Variants in ZXDC observed in about 807,000 individuals in gnomAD.
ZXDC encodes zinc finger protein ZXDC.
ZXDC carries 58 observed loss-of-function variants against 63.6 expected under a neutral mutation model. The ratio of observed to expected loss-of-function variants is 0.91; its 90% CI spans 0.74 to 1.13. The LOEUF (loss-of-function observed/expected upper bound fraction) is 1.13, where lower values mean the gene tolerates loss of function less well. Ranked by LOEUF, ZXDC falls within the 50% of genes most tolerant of loss-of-function variation. ZXDC has a pLI of 0.00. For synonymous variants in ZXDC, 561 were observed against 496.1 expected (o/e 1.13, Z -1.74); for missense variants, 1,133 against 1,148.9 (o/e 0.99, Z 0.20).
intron 8 of ZXDC, chr3:126,440,150 C>T (rs539178466): frequency 2.1e-4 from 210 of 1,009,438 alleles, no homozygotes; most frequent in South Asian, 2.5e-4. Context: ...AGCTTGCCTA[C>T]GGGCCAGCTG....
At chr3:126,447,185 G>A (rs1418765234) in intron 7 of ZXDC, among the ~76,000 whole-genome samples, 1 of 152,190 alleles carries the variant, frequency 6.6e-6, no homozygotes, top group Admixed American at 6.5e-5. Context: ...AGGTGTTTAA[G>A]TTACTCTGGG....
Position 126,475,080 on chromosome 3 carries a change from G to A in ZXDC, c.786C>T (p.His262=), listed in dbSNP as rs749901847. ...CGCACTTGAACAGGCTCTCCTGCTC[G>A]TGGCCCTTCATGTGCGCCTTGAGGT... The part of the protein sequence containing the change: ...VYNLKAHMKG[H]EQESLFKCEV... The change falls in exon 1 of 10, where the codon CAC becomes CAT. Residue 262 remains histidine, a synonymous_variant. Transcript: ENST00000389709. 1 of 1,607,900 alleles carries A rather than the reference G, an allele frequency of 6.2e-7. No individual in the cohort carries two copies. Among genetic ancestry groups the A allele is most frequent in the Non-Finnish European group, 8.5e-7 (1 of 1,177,190 alleles).
At position 126,446,318 on chromosome 3, in the gene ZXDC, A is replaced by C. The variant is rs74920123; in HGVS notation, c.2213-4372T>G. Among the ~76,000 whole-genome samples the C allele has an allele frequency of 3.9e-3, 588 of 152,340 alleles. 1 individual carries two copies. Among genetic ancestry groups the C allele is most frequent in the African/African-American group, 0.013 (555 of 41,572 alleles). On this transcript the variant is annotated intron_variant, in intron 7 of 9. Transcript: ENST00000389709. ...ATGATGGTAAATAGCAAAGTGGTCAAGGGCCCCGGCTTGGGAGCTGGACGA... is the reference window on the plus strand; with the variant it reads ...ATGATGGTAAATAGCAAAGTGGTCACGGGCCCCGGCTTGGGAGCTGGACGA...
rs142241672 is a variant in ZXDC at position 126,468,243 on chromosome 3, C to T, written c.1271-1918G>A. On this transcript the variant is annotated intron_variant, in intron 4 of 9. Transcript: ENST00000389709. ...GCCCCAGCACACATAGCCCCGAGGCCGCAACGAGGCCACCCAACACCTGCC... is the reference window on the plus strand; with the variant it reads ...GCCCCAGCACACATAGCCCCGAGGCTGCAACGAGGCCACCCAACACCTGCC... Among the ~76,000 whole-genome samples the T allele has an allele frequency of 1.4e-4, 21 of 152,182 alleles. No individual in the cohort carries two copies. The East Asian group carries it at 2.1e-3, about 16-fold the overall frequency.
In ZXDC at chr3:126,475,722, A is replaced by G. The variant is rs747848009; in HGVS notation, c.144T>C (p.Asp48=). 7.9e-7 allele frequency: 1 copy of G among 1,263,206 alleles called. No individual in the cohort carries two copies. The highest frequency in any genetic ancestry group is 2.2e-5 in the South Asian group (1 of 45,364). The allele number at this position is 1,263,206 out of a possible 1,614,324, so 78.2% of individuals were successfully genotyped here. A position where few individuals can be genotyped will look rare whatever the true frequency, so the allele number is the denominator to read the frequency against. Residue 48 remains aspartate, a synonymous_variant, in exon 1 of 10, where the codon GAT becomes GAC. Transcript: ENST00000389709. ...CCCCGGGCCGCGCCCCGGGCCCGCC[A>G]TCTTCAGGGCCCCGCACCAGTAGCA... ...RRLLLVRGPE[D]GGPGARPGEA...
In ZXDC at chr3:126,458,229, T is replaced by A. The variant is rs1003837042; in HGVS notation, c.2212+1424A>T. ...ATTAGATGGCTATAATTTTTTTTAATGTCCTTACTTTTTTTTTTTTTTTTT... is the reference window on the plus strand; with the variant it reads ...ATTAGATGGCTATAATTTTTTTTAAAGTCCTTACTTTTTTTTTTTTTTTTT... On this transcript the variant is annotated intron_variant, in intron 7 of 9. Transcript: ENST00000389709. 4.5e-5 allele frequency among the ~76,000 whole-genome samples: 6 copies of A among 132,234 alleles called. No individual in the cohort carries two copies. The East Asian group carries it at 7.0e-4, about 15-fold the overall frequency. The allele number at this position is 132,234 out of a possible 152,430, so 86.8% of individuals were successfully genotyped here.
At chr3:126,441,003 G>A in intron 8 of ZXDC, 1 of 985,578 alleles carries the variant, frequency 1.0e-6, no homozygotes, top group Non-Finnish European at 1.2e-6. Flanking sequence ...AATCTACAAA[G>A]TGGAGTGGTG....
rs914862495 is a variant in ZXDC, at chr3:126,475,020, C to T, written c.846G>A (p.Lys282=). Residue 282 remains lysine, a synonymous_variant, in exon 1 of 10, where the codon AAG becomes AAA. Transcript: ENST00000389709. ...AGTGGCTGCGCTGGTGGGAGCTGAGCTTGGCGTGCGTGGGGAAGCGCTCGG... is the reference window on the plus strand; with the variant it reads ...AGTGGCTGCGCTGGTGGGAGCTGAGTTTGGCGTGCGTGGGGAAGCGCTCGG... ...VCAERFPTHA[K]LSSHQRSHFE... The T allele has an allele frequency of 1.3e-6, 2 of 1,597,930 alleles. No individual in the cohort carries two copies. The highest frequency in any genetic ancestry group is 1.7e-6 in the Non-Finnish European group (2 of 1,172,980).
intron 7 of ZXDC, among the ~76,000 whole-genome samples, chr3:126,447,931 G>A (rs1933943720): frequency 1.3e-5 from 2 of 152,196 alleles, no homozygotes; most frequent in South Asian, 4.1e-4. Flanking sequence ...CATACCACGT[G>A]GCCAACAGGC....
chr3:126,475,776 C>A lies in ZXDC; in HGVS notation c.90G>T (p.Pro30=). 1 of 1,133,008 alleles carries A rather than the reference C, an allele frequency of 8.8e-7. No individual in the cohort carries two copies. Among genetic ancestry groups the A allele is most frequent in the East Asian group, 4.6e-5 (1 of 21,664 alleles). The allele number at this position is 1,133,008 out of a possible 1,614,324, so 70.2% of individuals were successfully genotyped here. A position where few individuals can be genotyped will look rare whatever the true frequency, so the allele number is the denominator to read the frequency against. The change falls in exon 1 of 10, where the codon CCG becomes CCT. Residue 30 remains proline (P), a synonymous_variant. Transcript: ENST00000389709. ...GGCGGCGCGCGGGGCTCGCGCCGAG[C>A]GGCGCTGGGGCTCGGCGGAGCGGGC... The part of the protein sequence containing the change: ...GPGPLRRAPA[P]LGASPARRRL...
At chr3:126,452,923 G>T in intron 7 of ZXDC, 1 of 656,086 alleles carries the variant, frequency 1.5e-6, no homozygotes, top group Non-Finnish European at 1.9e-6. Context: ...TTTTTTTACA[G>T]ATGGGGGTCT....
At chr3:126,455,587 T>C (rs931194351) in intron 7 of ZXDC, among the ~76,000 whole-genome samples, 1 of 152,140 alleles carries the variant, frequency 6.6e-6, no homozygotes, top group African/African-American at 2.4e-5. Context: ...GGATGGAGAA[T>C]GTTGATGGGG....
At chr3:126,450,201 C>T (rs1329265220) in intron 7 of ZXDC, 2 of 394,032 alleles carry the variant, frequency 5.1e-6, no homozygotes, top group Non-Finnish European at 1.0e-5. Flanking sequence ...TGCTCACAGG[C>T]AACTGCACCT....
In ZXDC at chr3:126,462,025, C is replaced by T. The variant is rs757159872; in HGVS notation, c.1637G>A (p.Ser546Asn). 1.9e-6 allele frequency: 3 copies of T among 1,614,088 alleles called. No individual in the cohort carries two copies. The highest frequency in any genetic ancestry group is 2.5e-6 in the Non-Finnish European group (3 of 1,180,026). Residue 546 changes from serine (S) to asparagine (N), a missense_variant, in exon 6 of 10, where the codon AGC becomes AAC. Physicochemically the swap from Ser to Asn is conservative, Grantham distance 46. Transcript: ENST00000389709. ...AGGGAGGTTCCCTCCCAGAGAGGAG[C>T]TCACAGAAGTGACGTCAATAGTCAG... is the stretch of plus-strand genomic sequence containing the variant. ...GILTIDVTSV[S>N]SSLGGNLPAN... is the part of the protein sequence containing the mutation.
chr3:126,455,948 C>T (rs528244866), intron 7 of ZXDC, among the ~76,000 whole-genome samples: 1 of 151,694 alleles, frequency 6.6e-6, no homozygotes, highest in African/African-American at 2.4e-5. Flanking sequence ...TGCAGTGAGC[C>T]GAGATCGCGC....
At chr3:126,441,118 A>G in intron 8 of ZXDC, 10 of 985,594 alleles carry the variant, frequency 1.0e-5, no homozygotes, top group Non-Finnish European at 1.1e-5. Context: ...CAGCCCCTCA[A>G]ACTGAGACTG....
intron 7 of ZXDC, chr3:126,454,664 C>T: frequency 1.0e-6 from 1 of 985,452 alleles, no homozygotes; most frequent in Non-Finnish European, 1.2e-6. Context: ...TTTTCTGTCA[C>T]AATGTGTCTT....
chr3:126,459,617 C>CCCTT, intron 7 of ZXDC, 36 bp downstream of exon 7: 1 of 1,613,794 alleles, frequency 6.2e-7, no homozygotes, highest in Non-Finnish European at 8.5e-7. Context: ...AACCCTCAGG[C>CCCTT]CCTTGCTCGT....
At chr3:126,445,520 G>A (rs1933850306) in intron 7 of ZXDC, among the ~76,000 whole-genome samples, 1 of 151,958 alleles carries the variant, frequency 6.6e-6, no homozygotes, top group Non-Finnish European at 1.5e-5. Context: ...AGGATATCCT[G>A]TTTTTGTGTG....
Sources: allele counts gnomAD v4.1 joint callset (sites outside exome capture counted in the v4.1 genomes callset), GRCh38; gene constraint gnomAD v4.1.1; transcripts MANE v1.5; gene names NCBI Gene and HGNC (gene_info 2026-07-23, HGNC 2026-07-21).